Variants in SLC1A7 observed in about 807,000 individuals in gnomAD.
SLC1A7 encodes the protein solute carrier family 1 member 7, also known as excitatory amino acid transporter 5.
In SLC1A7, 40 loss-of-function variants were observed where a neutral mutation model predicts 47.7. That is an observed-to-expected ratio of 0.84 (90% CI 0.65 to 1.09). The LOEUF (loss-of-function observed/expected upper bound fraction) is 1.09, where lower values mean the gene tolerates loss of function less well. SLC1A7 is among the 50% of genes least tolerant of loss of function. The pLI is 0.00. For synonymous variants in SLC1A7, 323 were observed against 325.6 expected (o/e 0.99, Z 0.09); for missense variants, 746 against 769.5 (o/e 0.97, Z 0.36).
Position 53,088,195 on chromosome 1 carries a change from G to T in SLC1A7, c.1497C>A (p.Ser499Arg), listed in dbSNP as rs749954155. The change falls in exon 11 of 11, where the codon AGC becomes AGA. Residue 499 changes from serine (S) to arginine (R), a missense_variant. Coordinates refer to ENST00000371494, the MANE Select transcript of SLC1A7 (RefSeq NM_006671.6). ...KLLPCETKPV[S>R]LQEIVAAQQN... ...GCTGGGCTGCCACGATCTCCTGGAG[G>T]CTCACTGGCTTGGTCTCGCAGGGCA... 6.2e-7 allele frequency: 1 copy of T among 1,612,288 alleles called. No homozygotes were observed. Among genetic ancestry groups the T allele is most frequent in the Non-Finnish European group, 8.5e-7 (1 of 1,178,974 alleles).
Position 53,088,950 on chromosome 1 carries a change from A to G in SLC1A7, c.1391T>C (p.Leu464Pro), listed in dbSNP as rs750528002. Residue 464 changes from leucine (L) to proline (P), a missense_variant, in exon 10 of 11, where the codon CTG (leucine) becomes CCG (proline). Physicochemically the swap from Leu to Pro is moderately conservative, Grantham distance 98 (BLOSUM62 -3). Coordinates refer to ENST00000371494, the MANE Select transcript of SLC1A7 (RefSeq NM_006671.6). The part of the protein sequence containing the change: ...LDRFRTMINV[L>P]GDALAAGIMA... ...GATCCCCGCTGCCAGCGCATCACCC[A>G]GCACGTTAATCATGGTGCGGAAACG... The G allele has an allele frequency of 6.2e-7, 1 of 1,613,998 alleles. No homozygotes were observed. The highest frequency in any genetic ancestry group is 1.3e-5 in the African/African-American group (1 of 74,934).
intron 9 of SLC1A7, among the ~76,000 whole-genome samples, chr1:53,089,249 G>A (rs909817597): frequency 2.4e-5 from 3 of 124,864 alleles, no homozygotes; most frequent in South Asian, 5.4e-4. Flanking sequence ...TTCTTTATAG[G>A]TTTGTTTTTT....
intron 5 of SLC1A7, among the ~76,000 whole-genome samples, chr1:53,100,514 A>G (rs61770799): frequency 0.22 from 30,962 of 143,742 alleles, 3,289 homozygotes; most frequent in Middle Eastern, 0.32. Context: ...CACACACACC[A>G]CCTCGGTACA....
chr1:53,100,901 T>C (rs930636002), intron 5 of SLC1A7, among the ~76,000 whole-genome samples: 2 of 151,060 alleles, frequency 1.3e-5, no homozygotes, highest in Non-Finnish European at 2.9e-5. Context: ...ACTGCCTCAA[T>C]ACATTCACAC....
chr1:53,108,267 C>G lies in SLC1A7; in HGVS notation c.432-2493G>C, dbSNP rs1644665612. 4 of 301,982 alleles carry G rather than the reference C, an allele frequency of 1.3e-5. No individual in the cohort carries two copies. In the South Asian group the frequency reaches 1.7e-4, roughly 13 times the overall value. 18.7% of individuals were successfully genotyped at this position (301,982 alleles called of 1,614,324 possible). The stretch of plus-strand genomic sequence containing the variant: ...CTCTTGTCCTCGGTAACCCTCTTCC[C>G]CTCTTTCAAGACTCAGTTTACACAC... On this transcript the variant is annotated intron_variant, in intron 3 of 10. Coordinates refer to ENST00000371494, the MANE Select transcript of SLC1A7 (RefSeq NM_006671.6).
chr1:53,099,673 C>G (rs1306419416), intron 5 of SLC1A7, among the ~76,000 whole-genome samples: 1 of 104,012 alleles, frequency 9.6e-6, no homozygotes, highest in Non-Finnish European at 2.1e-5. Context: ...CACCTTGCCT[C>G]AGTACACTCA....
At chr1:53,133,500 G>T (rs964504280) in intron 2 of SLC1A7, among the ~76,000 whole-genome samples, 2 of 152,136 alleles carry the variant, frequency 1.3e-5, no homozygotes, top group East Asian at 1.9e-4. Context: ...GAGGCAGAAC[G>T]CATGCAGAGG....
rs913394386 is a variant in SLC1A7, at chr1:53,114,985, A to G, written c.216-12T>C. 1 of 1,580,196 alleles carries G rather than the reference A, an allele frequency of 6.3e-7. No homozygotes were observed. Among genetic ancestry groups the G allele is most frequent in the Non-Finnish European group, 8.7e-7 (1 of 1,155,948 alleles). ...GTCCGGACATCAAGCTGGGAGGGCGAGGGGGTCAGGGGCTGTGGTGGGGAG... is the reference window on the plus strand; with the variant it reads ...GTCCGGACATCAAGCTGGGAGGGCGGGGGGGTCAGGGGCTGTGGTGGGGAG... On this transcript the variant is annotated splice_polypyrimidine_tract_variant and intron_variant, in intron 2 of 10. Transcript: ENST00000371494.
Position 53,088,014 on chromosome 1 carries a change from C to T in SLC1A7, c.1678G>A (p.Val560Ile). The change falls in exon 11 of 11, where the codon GTC becomes ATC. Residue 560 changes from valine to isoleucine, a missense_variant. Coordinates refer to ENST00000371494, the MANE Select transcript of SLC1A7 (RefSeq NM_006671.6). ...TIQISELETN[V>I] ...GCCCCTGCAGCTCCGCAGGCTCAGA[C>T]ATTGGTCTCCAGCTCACTGATCTGG... The T allele has an allele frequency of 1.3e-6, 2 of 1,505,954 alleles. No homozygotes were observed. Among genetic ancestry groups the T allele is most frequent in the Middle Eastern group, 2.0e-4 (1 of 5,094 alleles). 93.3% of individuals were successfully genotyped at this position (1,505,954 alleles called of 1,614,324 possible).
At chr1:53,112,478 G>A (rs1424361242) in intron 3 of SLC1A7, among the ~76,000 whole-genome samples, 1 of 152,358 alleles carries the variant, frequency 6.6e-6, no homozygotes, top group East Asian at 1.9e-4. Context: ...TTGTTATGCA[G>A]CAGTAACTAG....
intron 1 of SLC1A7, among the ~76,000 whole-genome samples, chr1:53,135,744 A>C (rs1253371488): frequency 6.6e-6 from 1 of 152,150 alleles, no homozygotes; most frequent in South Asian, 2.1e-4. Flanking sequence ...GCTGTTTATA[A>C]AATTTTTTAA....
intron 2 of SLC1A7, chr1:53,115,348 A>C: frequency 3.7e-6 from 1 of 272,702 alleles, no homozygotes. Context: ...AGCTTCCTTC[A>C]CTCTCCTGAC....
intron 1 of SLC1A7, among the ~76,000 whole-genome samples, chr1:53,135,017 G>C (rs1362340126): frequency 6.6e-6 from 1 of 152,050 alleles, no homozygotes; most frequent in Admixed American, 6.5e-5. Context: ...GCGGATAAGG[G>C]GGGACTGCTC....
chr1:53,093,522 G>A lies in SLC1A7; in HGVS notation c.736C>T (p.Leu246=), dbSNP rs1172085576. 6.2e-7 allele frequency: 1 copy of A among 1,609,086 alleles called. No homozygotes were observed. The highest frequency in any genetic ancestry group is 8.5e-7 in the Non-Finnish European group (1 of 1,179,582). Residue 246 remains leucine, a synonymous_variant, in exon 6 of 11, where the codon CTG becomes TTG. Coordinates refer to ENST00000371494, the MANE Select transcript of SLC1A7 (RefSeq NM_006671.6). ...TTGAGGCACTGGCAGAAGCTGACCA[G>A]GGGGGCCCCGCTGTCACCCATGCGG... ...LGRMGDSGAP[L]VSFCQCLNES...
chr1:53,119,341 A>G (rs574520059), intron 2 of SLC1A7, among the ~76,000 whole-genome samples: 1 of 152,232 alleles, frequency 6.6e-6, no homozygotes, highest in East Asian at 1.9e-4. Flanking sequence ...GGTTTGGGCT[A>G]TGATTTTATT....
chr1:53,090,603 A>T lies in SLC1A7; in HGVS notation c.1226+9T>A. On this transcript the variant is annotated intron_variant, in intron 8 of 10. Transcript: ENST00000371494. The stretch of plus-strand genomic sequence containing the variant: ...GCCCCATCCACCCAGGTGCAGTGTC[A>T]GGGTGCACCTGATGGTGATGATCTG... 6.4e-7 allele frequency: 1 copy of T among 1,569,156 alleles called. No homozygotes were observed. Among genetic ancestry groups the T allele is most frequent in the Non-Finnish European group, 8.7e-7 (1 of 1,152,678 alleles).
chr1:53,101,834 C>T (rs1250811339), intron 5 of SLC1A7, among the ~76,000 whole-genome samples: 2 of 149,780 alleles, frequency 1.3e-5, no homozygotes, highest in Non-Finnish European at 3.0e-5. Context: ...CACTCACACG[C>T]ACACTCAGTA....
At chr1:53,134,543 C>T (rs1644972271) in intron 1 of SLC1A7, 114 bp from the exon 2 acceptor site, 6 of 593,634 alleles carry the variant, frequency 1.0e-5, no homozygotes, top group African/African-American at 1.8e-5. Flanking sequence ...TAGCACATGG[C>T]AGCAGAGACC....
At chr1:53,091,053 T>A in intron 7 of SLC1A7, 4 of 1,147,792 alleles carry the variant, frequency 3.5e-6, no homozygotes, top group Non-Finnish European at 4.8e-6. Flanking sequence ...GGCTGACCCA[T>A]GTCACACTGC....
Sources: allele counts gnomAD v4.1 joint callset (sites outside exome capture counted in the v4.1 genomes callset), GRCh38; gene constraint gnomAD v4.1.1; transcripts MANE v1.5; gene names NCBI Gene and HGNC (gene_info 2026-07-23, HGNC 2026-07-21).